TREM1: variants seen among roughly 807,000 people sequenced by gnomAD.
TREM1 encodes the protein triggering receptor expressed on myeloid cells 1, also known as triggering receptor expressed on monocytes 1.
In TREM1, 16 loss-of-function variants were observed where a neutral mutation model predicts 22.4. The ratio of observed to expected loss-of-function variants is 0.71; its 90% CI spans 0.48 to 1.08. TREM1 has a LOEUF of 1.08. Among genes scored for constraint, TREM1 ranks in the 50% least tolerant of loss-of-function variants. The probability of loss-of-function intolerance (pLI) is 0.00; values close to 1 mark genes in which losing one functional copy is unlikely to be tolerated. For synonymous variants in TREM1, 110 were observed against 111.6 expected (o/e 0.99, Z 0.09); for missense variants, 283 against 282.9 (o/e 1.00, Z 0.00).
chr6:41,286,569 C>T lies in TREM1; in HGVS notation c.49+38G>A, dbSNP rs376619829. ...AAAAGGGCTCCCCGAGATCCTGGACCAAACGCCTCCCCTGCTCAGTCCTCT... is the reference window on the plus strand; with the variant it reads ...AAAAGGGCTCCCCGAGATCCTGGACTAAACGCCTCCCCTGCTCAGTCCTCT... On this transcript the variant is annotated intron_variant, in intron 1 of 3. Transcript: ENST00000244709. 7 of 1,612,276 alleles carry T rather than the reference C, an allele frequency of 4.3e-6. 1 individual carries two copies. In the South Asian group the frequency reaches 7.7e-5, roughly 18 times the overall value.
intron 1 of TREM1, among the ~76,000 whole-genome samples, chr6:41,285,982 T>C (rs990072088): frequency 2.0e-4 from 31 of 152,238 alleles, no homozygotes; most frequent in African/African-American, 7.5e-4. Context: ...AAAGCCCGCA[T>C]GCTTCTGGTT....
At chr6:41,276,282 G>C (rs2234242) in intron 3 of TREM1, 52 bp from the exon 4 acceptor site, 24 of 1,356,764 alleles carry the variant, frequency 1.8e-5, no homozygotes, top group Non-Finnish European at 2.4e-5. Context: ...TCTCCCACAC[G>C]CACATGTTCC....
At chr6:41,272,243 G>T (rs1037507455), downstream of TREM1, among the ~76,000 whole-genome samples, 1 of 152,094 alleles carries the variant, frequency 6.6e-6, no homozygotes, top group Non-Finnish European at 1.5e-5. Flanking sequence ...ACACTCAGTT[G>T]CTTCCCTTTC....
chr6:41,283,874 T>A (rs1219424090), intron 1 of TREM1, among the ~76,000 whole-genome samples: 2 of 152,040 alleles, frequency 1.3e-5, no homozygotes. Flanking sequence ...GATTCACAGG[T>A]CAATGAGATG....
downstream of TREM1, among the ~76,000 whole-genome samples, chr6:41,272,992 G>A (rs1443940351): frequency 6.6e-6 from 1 of 152,120 alleles, no homozygotes; most frequent in Non-Finnish European, 1.5e-5. Context: ...CTTCTATTGA[G>A]GATGGAAGCA....
chr6:41,271,318 C>T (rs890043028), downstream of TREM1, among the ~76,000 whole-genome samples: 6 of 152,102 alleles, frequency 3.9e-5, no homozygotes, highest in Admixed American at 3.3e-4. Context: ...ACCTGTGAGT[C>T]GGTTCCATTT....
chr6:41,276,297 A>G (rs1561917232), intron 3 of TREM1, 67 bp from the exon 4 acceptor site: 1 of 1,203,024 alleles, frequency 8.3e-7, no homozygotes, highest in Admixed American at 1.8e-5. Flanking sequence ...TGTTCCCTCT[A>G]GAAAATGCCT....
chr6:41,285,380 C>A (rs776528609), intron 1 of TREM1, among the ~76,000 whole-genome samples: 4 of 152,160 alleles, frequency 2.6e-5, no homozygotes, highest in African/African-American at 4.8e-5. Context: ...CACCATTATT[C>A]TCCCCATTTT....
chr6:41,279,630 T>A, intron 3 of TREM1: 1 of 985,380 alleles, frequency 1.0e-6, no homozygotes, highest in Non-Finnish European at 1.2e-6. Flanking sequence ...ACTACCCATA[T>A]GGAGGTGGAG....
chr6:41,268,697 C>T (rs1183665291), downstream of TREM1, among the ~76,000 whole-genome samples: 1 of 152,164 alleles, frequency 6.6e-6, no homozygotes, highest in Non-Finnish European at 1.5e-5. Context: ...CAGAGAGGGA[C>T]CAAGAATCCA....
rs1328482154 is a variant in TREM1 at position 41,276,199 on chromosome 6, C to A, written c.631G>T (p.Ala211Ser). 1 of 1,614,054 alleles carries A rather than the reference C, an allele frequency of 6.2e-7. No homozygotes were observed. The highest frequency in any genetic ancestry group is 1.7e-5 in the Admixed American group (1 of 60,014). Residue 211 changes from alanine (A) to serine (S), a missense_variant, in exon 4 of 4, where the codon GCT becomes TCT. By Grantham distance (99) the Ala-to-Ser change is moderately conservative. Transcript: ENST00000244709. ...AGGCTCTTACTCAGGAATCCACCAG[C>A]CAGGAGAATGACAATGTTGAACACC... ...VPVFNIVILL[A>S]GGFLSKSLVF... is the part of the protein sequence containing the mutation.
At chr6:41,269,115 G>A (rs544797362), downstream of TREM1, among the ~76,000 whole-genome samples, 3 of 152,222 alleles carry the variant, frequency 2.0e-5, no homozygotes, top group East Asian at 5.8e-4. Context: ...ATTAATGGAG[G>A]CCTCTCAAAT....
chr6:41,273,543 C>T (rs375646329), downstream of TREM1, among the ~76,000 whole-genome samples: 1 of 152,340 alleles, frequency 6.6e-6, no homozygotes, highest in African/African-American at 2.4e-5. Flanking sequence ...AGACCTGTGT[C>T]GTTAGCCACA....
At chr6:41,272,402 C>G (rs1174940502), downstream of TREM1, among the ~76,000 whole-genome samples, 1 of 152,110 alleles carries the variant, frequency 6.6e-6, no homozygotes. Flanking sequence ...GCTGCGCAAA[C>G]AAACATTGTT....
chr6:41,274,423 T>G lies in TREM1; in HGVS notation c.*1702A>C, dbSNP rs1265060093. ...GATAATACCCCCTTGCCCTGGTCAC[T>G]TTGTCAACTTCATAAACAGGAACAA... On this transcript the variant is annotated 3_prime_UTR_variant, in exon 4 of 4. Coordinates refer to ENST00000244709, the MANE Select transcript of TREM1 (RefSeq NM_018643.5). 6.6e-6 allele frequency among the ~76,000 whole-genome samples: 1 copy of G among 152,162 alleles called. No homozygotes were observed. The highest frequency in any genetic ancestry group is 2.4e-5 in the African/African-American group (1 of 41,438).
At chr6:41,279,407 G>A in intron 3 of TREM1, 2 of 442,900 alleles carry the variant, frequency 4.5e-6, no homozygotes, top group Non-Finnish European at 3.0e-6. Flanking sequence ...TGATTAAAAG[G>A]CCCAGAACCT....
intron 3 of TREM1, chr6:41,280,528 T>C (rs1767861323): frequency 1.9e-6 from 2 of 1,072,106 alleles, no homozygotes; most frequent in Middle Eastern, 4.4e-4. Context: ...GTTTCTACCA[T>C]GCCTACTGAA....
At chr6:41,280,004 T>C (rs1767839900) in intron 3 of TREM1, 4 of 980,196 alleles carry the variant, frequency 4.1e-6, no homozygotes, top group South Asian at 4.7e-5. Context: ...GCTTTCCCAA[T>C]TGATAGAAAA....
chr6:41,277,026 C>T (rs1225088861), intron 3 of TREM1, among the ~76,000 whole-genome samples: 1 of 151,384 alleles, frequency 6.6e-6, no homozygotes, highest in Non-Finnish European at 1.5e-5. Flanking sequence ...CAGTTTATAG[C>T]ATGTAGCAGA....
Sources: gnomAD v4.1 joint callset for allele counts (sites outside exome capture counted in the v4.1 genomes callset) on GRCh38, gnomAD v4.1.1 for gene constraint, MANE v1.5 for transcripts, NCBI Gene and HGNC (gene_info 2026-07-23, HGNC 2026-07-21) for gene names.